The following DNAJC15 variants were observed in gnomAD, a reference collection of about 807,000 sequenced individuals.
DNAJC15 encodes dnaJ homolog subfamily C member 15.
DNAJC15 carries 27 observed loss-of-function variants against 22.4 expected under a neutral mutation model. The ratio of observed to expected loss-of-function variants is 1.20; its 90% CI spans 0.89 to 1.66. The LOEUF (loss-of-function observed/expected upper bound fraction) is 1.66, where lower values mean the gene tolerates loss of function less well. Among genes scored for constraint, DNAJC15 ranks in the 40% most tolerant of loss-of-function variants. The pLI, the probability that DNAJC15 is intolerant of heterozygous loss-of-function variation, is 0.00. For synonymous variants in DNAJC15, 79 were observed against 63.2 expected (o/e 1.25, Z -1.19); for missense variants, 208 against 187.1 (o/e 1.11, Z -0.65).
chr13:43,078,238 G>T (rs2040644628), intron 3 of DNAJC15, among the ~76,000 whole-genome samples: 1 of 152,128 alleles, frequency 6.6e-6, no homozygotes, highest in Non-Finnish European at 1.5e-5. Flanking sequence ...CTGTTGGCTA[G>T]TGTGGTAGGC....
intron 4 of DNAJC15, among the ~76,000 whole-genome samples, chr13:43,082,806 T>A (rs147836023): frequency 6.6e-6 from 1 of 151,730 alleles, no homozygotes; most frequent in East Asian, 1.9e-4. Flanking sequence ...TTGCCATATA[T>A]CTTCTAAAAA....
intron 1 of DNAJC15, among the ~76,000 whole-genome samples, chr13:43,040,123 G>A (rs1368775335): frequency 1.3e-5 from 2 of 152,202 alleles, no homozygotes; most frequent in Non-Finnish European, 2.9e-5. Context: ...AATGAACCTT[G>A]AGCTGCCTAG....
intron 2 of DNAJC15, 52 bp from the exon 3 acceptor site, chr13:43,068,878 A>C (rs2040595304): frequency 1.3e-6 from 2 of 1,499,146 alleles, no homozygotes; most frequent in Non-Finnish European, 1.8e-6. Context: ...GAAGGTGTTG[A>C]TTGATTTTGA....
intron 4 of DNAJC15, among the ~76,000 whole-genome samples, chr13:43,079,296 G>A (rs2153441371): frequency 6.6e-6 from 1 of 152,062 alleles, no homozygotes; most frequent in East Asian, 1.9e-4. Flanking sequence ...AGTATGTCAT[G>A]TACAACAAAT....
rs544949215 is a variant in DNAJC15 at position 43,038,081 on chromosome 13, G to A, written c.108+14347G>A. On this transcript the variant is annotated intron_variant, in intron 1 of 5. Coordinates refer to ENST00000379221, the MANE Select transcript of DNAJC15 (RefSeq NM_013238.3). ...GTAGTCAGATTGTTTCCATTTTTTTGTATTACAAATAAAACACAGTGATGA... is the reference window on the plus strand; with the variant it reads ...GTAGTCAGATTGTTTCCATTTTTTTATATTACAAATAAAACACAGTGATGA... Among the ~76,000 whole-genome samples, 10 of 151,864 alleles carry A rather than the reference G, an allele frequency of 6.6e-5. No homozygotes were observed. The South Asian group carries it at 1.9e-3, about 28-fold the overall frequency.
chr13:43,059,155 T>G (rs1049406182), intron 1 of DNAJC15, among the ~76,000 whole-genome samples: 1 of 144,428 alleles, frequency 6.9e-6, no homozygotes, highest in Non-Finnish European at 1.6e-5. Context: ...ACCGTTTTTT[T>G]CTTTTTGTTG....
chr13:43,024,822 C>T (rs73473938), intron 1 of DNAJC15, among the ~76,000 whole-genome samples: 30,233 of 146,746 alleles, frequency 0.21, 3,218 homozygotes, highest in Middle Eastern at 0.23. Context: ...TTAGGAAGCC[C>T]AGGCAGGAGG....
rs1034374243 is a variant in DNAJC15, at chr13:43,109,289, C to T, written c.*2041C>T. 3.3e-5 allele frequency: 5 copies of T among 152,116 alleles called. No individual in the cohort carries two copies. Among genetic ancestry groups the T allele is most frequent in the African/African-American group, 1.2e-4 (5 of 41,418 alleles). 9.4% of individuals were successfully genotyped at this position (152,116 alleles called of 1,614,324 possible). A position where few individuals can be genotyped will look rare whatever the true frequency, so the allele number is the denominator to read the frequency against. On this transcript the variant is annotated 3_prime_UTR_variant, in exon 6 of 6. Coordinates refer to ENST00000379221, the MANE Select transcript of DNAJC15 (RefSeq NM_013238.3). Reference sequence around the variant, plus strand: ...TATTTCTCATACTAAAATGCAAGAACCTTTAGAGCAAGGATCTTGCCATTC... The same window carrying T: ...TATTTCTCATACTAAAATGCAAGAATCTTTAGAGCAAGGATCTTGCCATTC...
chr13:43,037,417 G>A (rs2040433964), intron 1 of DNAJC15, among the ~76,000 whole-genome samples: 1 of 152,176 alleles, frequency 6.6e-6, no homozygotes, highest in South Asian at 2.1e-4. Context: ...TTTATGATCA[G>A]GGTGCAGATT....
At chr13:43,075,804 A>G (rs549952287) in intron 3 of DNAJC15, among the ~76,000 whole-genome samples, 7 of 152,252 alleles carry the variant, frequency 4.6e-5, no homozygotes, top group African/African-American at 1.2e-4. Flanking sequence ...CTGGGATTAC[A>G]GGCATGCACC....
chr13:43,046,545 A>G (rs2040478034), intron 1 of DNAJC15, among the ~76,000 whole-genome samples: 1 of 152,162 alleles, frequency 6.6e-6, no homozygotes, highest in African/African-American at 2.4e-5. Context: ...TCACTAAAAT[A>G]CAAATTAAGC....
Position 43,078,863 on chromosome 13 carries a change from AAAAAC to A in DNAJC15, c.311+195_311+199del, listed in dbSNP as rs563804545. 101 of 459,014 alleles carry A rather than the reference AAAAAC, an allele frequency of 2.2e-4. No individual in the cohort carries two copies. The South Asian group carries it at 4.3e-3, about 20-fold the overall frequency. 28.4% of individuals were successfully genotyped at this position (459,014 alleles called of 1,614,324 possible). A position where few individuals can be genotyped will look rare whatever the true frequency, so the allele number is the denominator to read the frequency against. On this transcript the variant is annotated intron_variant, in intron 4 of 5. Coordinates refer to ENST00000379221, the MANE Select transcript of DNAJC15 (RefSeq NM_013238.3). ...ATCTAAAAGTATCCCACTCCCCTAA[AAAAAC>A]AAAACAAAACAAAACAAAAAAACAG...
Position 43,109,829 on chromosome 13 carries a change from T to G in DNAJC15, c.*2581T>G, listed in dbSNP as rs2040816031. 1.3e-5 allele frequency: 2 copies of G among 152,058 alleles called. No homozygotes were observed. The highest frequency in any genetic ancestry group is 4.8e-5 in the African/African-American group (2 of 41,540). 9.4% of individuals were successfully genotyped at this position (152,058 alleles called of 1,614,324 possible). ...ACATATGTAACAAACCTGCACGTTGTGCACATGTGCCCTAGAACTTAAAGT... is the reference window on the plus strand; with the variant it reads ...ACATATGTAACAAACCTGCACGTTGGGCACATGTGCCCTAGAACTTAAAGT... On this transcript the variant is annotated 3_prime_UTR_variant, in exon 6 of 6. Coordinates refer to ENST00000379221, the MANE Select transcript of DNAJC15 (RefSeq NM_013238.3).
intron 1 of DNAJC15, among the ~76,000 whole-genome samples, chr13:43,025,286 G>A (rs935932266): frequency 3.9e-5 from 6 of 152,176 alleles, no homozygotes; most frequent in Admixed American, 2.6e-4. Context: ...GTAAAAATCC[G>A]AGTATCAGGC....
intron 5 of DNAJC15, among the ~76,000 whole-genome samples, chr13:43,096,645 G>T (rs2040741125): frequency 6.6e-6 from 1 of 152,198 alleles, no homozygotes. Flanking sequence ...ATTCCACTGT[G>T]AGAGACAATA....
At chr13:43,029,738 C>T (rs1361674647) in intron 1 of DNAJC15, among the ~76,000 whole-genome samples, 1 of 152,040 alleles carries the variant, frequency 6.6e-6, no homozygotes, top group Non-Finnish European at 1.5e-5. Context: ...TGTTGATCTG[C>T]TGGCATTATT....
chr13:43,067,238 A>G (rs919663399), intron 2 of DNAJC15, among the ~76,000 whole-genome samples: 3 of 152,110 alleles, frequency 2.0e-5, no homozygotes, highest in Admixed American at 6.5e-5. Flanking sequence ...TTAAAACACT[A>G]TTTTAACCTT....
chr13:43,039,513 CA>C (rs1566201379), intron 1 of DNAJC15, among the ~76,000 whole-genome samples: 1 of 152,044 alleles, frequency 6.6e-6, no homozygotes, highest in East Asian at 1.9e-4. Flanking sequence ...CTAGGAGTCT[CA>C]GGGGGTGGAG....
intron 1 of DNAJC15, among the ~76,000 whole-genome samples, chr13:43,026,939 GCTT>G (rs2040383326): frequency 6.6e-6 from 1 of 152,148 alleles, no homozygotes; most frequent in Non-Finnish European, 1.5e-5. Context: ...TCTTAGGTAA[GCTT>G]CTCTTTTGAA....
Sources: allele counts gnomAD v4.1 joint callset (sites outside exome capture counted in the v4.1 genomes callset), GRCh38; gene constraint gnomAD v4.1.1; transcripts MANE v1.5; gene names NCBI Gene and HGNC (gene_info 2026-07-23, HGNC 2026-07-21).